RAB27B: variants seen among roughly 807,000 people sequenced by gnomAD.
The protein encoded by RAB27B is ras-related protein Rab-27B.
In RAB27B, 15 loss-of-function variants were observed where a neutral mutation model predicts 24.6. The ratio of observed to expected loss-of-function variants is 0.61; its 90% CI spans 0.41 to 0.94. RAB27B has a LOEUF of 0.94. Ranked by LOEUF, RAB27B falls within the 40% of genes least tolerant of loss-of-function variation. The pLI, the probability that RAB27B is intolerant of heterozygous loss-of-function variation, is 0.00. For synonymous variants in RAB27B, 105 were observed against 92.5 expected, an observed-to-expected ratio of 1.14 and a Z score of -0.78; for missense variants, 261 against 266.8, an observed-to-expected ratio of 0.98 and a Z score of 0.15.
chr18:54,884,684 T>A (rs1913061736), intron 4 of RAB27B, among the ~76,000 whole-genome samples: 1 of 152,208 alleles, frequency 6.6e-6, no homozygotes, highest in Non-Finnish European at 1.5e-5. Context: ...TATGTAGCTT[T>A]ATCACCACTT....
chr18:54,865,610 G>A (rs532376587), intron 1 of RAB27B, among the ~76,000 whole-genome samples: 27 of 152,292 alleles, frequency 1.8e-4, no homozygotes, highest in Non-Finnish European at 4.0e-4. Context: ...AGGTTGGTAT[G>A]TGGATATGAA....
intron 2 of RAB27B, among the ~76,000 whole-genome samples, chr18:54,746,043 A>G (rs1388804941): frequency 6.6e-6 from 1 of 152,072 alleles, no homozygotes; most frequent in African/African-American, 2.4e-5. Flanking sequence ...GTCTCACTCT[A>G]TATGGGTGAA....
chr18:54,851,119 T>C (rs1251478082), intron 1 of RAB27B, among the ~76,000 whole-genome samples: 1 of 152,094 alleles, frequency 6.6e-6, no homozygotes, highest in Non-Finnish European at 1.5e-5. Flanking sequence ...TTGTTAATAT[T>C]CTATATATAT....
chr18:54,773,994 TACC>T (rs1484824244), intron 2 of RAB27B, among the ~76,000 whole-genome samples: 1 of 152,182 alleles, frequency 6.6e-6, no homozygotes, highest in African/African-American at 2.4e-5. Context: ...ATCTACTTTC[TACC>T]ACCAGAATAG....
At chr18:54,822,402 A>G (rs540065164) in intron 2 of RAB27B, among the ~76,000 whole-genome samples, 2 of 152,366 alleles carry the variant, frequency 1.3e-5, no homozygotes, top group African/African-American at 4.8e-5. Context: ...CAAAATTAAC[A>G]AAAACACTGG....
At chr18:54,832,407 G>T (rs1168081871) in intron 1 of RAB27B, among the ~76,000 whole-genome samples, 1 of 152,198 alleles carries the variant, frequency 6.6e-6, no homozygotes, top group Non-Finnish European at 1.5e-5. Flanking sequence ...GTTTTAATGG[G>T]AAATGAAGAA....
intron 2 of RAB27B, among the ~76,000 whole-genome samples, chr18:54,773,449 T>G (rs1908616568): frequency 6.6e-6 from 1 of 152,182 alleles, no homozygotes; most frequent in East Asian, 1.9e-4. Flanking sequence ...GGGACAGAGG[T>G]ATTGCCATGG....
chr18:54,753,903 C>T (rs539468824), intron 2 of RAB27B, among the ~76,000 whole-genome samples: 2 of 152,152 alleles, frequency 1.3e-5, no homozygotes, highest in Non-Finnish European at 2.9e-5. Flanking sequence ...AATATTTATA[C>T]CAGCAGACCC....
At chr18:54,766,355 G>A (rs973055300) in intron 2 of RAB27B, among the ~76,000 whole-genome samples, 7 of 152,172 alleles carry the variant, frequency 4.6e-5, no homozygotes, top group African/African-American at 1.7e-4. Context: ...GAAGCAGGCA[G>A]GCATATGCAA....
At chr18:54,845,725 CT>C (rs2145208654) in intron 1 of RAB27B, among the ~76,000 whole-genome samples, 2 of 152,224 alleles carry the variant, frequency 1.3e-5, no homozygotes, top group African/African-American at 4.8e-5. Flanking sequence ...GAACAGAACC[CT>C]CCTTTCTGTT....
chr18:54,778,436 C>G (rs1260497761), intron 2 of RAB27B, among the ~76,000 whole-genome samples: 1 of 152,122 alleles, frequency 6.6e-6, no homozygotes, highest in Non-Finnish European at 1.5e-5. Context: ...ATTAATTAGC[C>G]CTGTGAACCT....
chr18:54,790,576 A>C (rs1909217997), intron 2 of RAB27B, among the ~76,000 whole-genome samples: 1 of 151,146 alleles, frequency 6.6e-6, no homozygotes, highest in African/African-American at 2.4e-5. Flanking sequence ...AAGCAAGGTA[A>C]TTAGCATATA....
At chr18:54,803,615 G>C (rs73960640) in intron 2 of RAB27B, among the ~76,000 whole-genome samples, 1,735 of 152,290 alleles carry the variant, frequency 0.011, 31 homozygotes, top group African/African-American at 0.04. Context: ...GCAAGCAAGA[G>C]ATGATGGATG....
chr18:54,810,379 A>G (rs1909923787), intron 2 of RAB27B, among the ~76,000 whole-genome samples: 1 of 151,930 alleles, frequency 6.6e-6, no homozygotes, highest in Non-Finnish European at 1.5e-5. Flanking sequence ...GCAACCCTAT[A>G]AAGTAGTTAT....
upstream of RAB27B, among the ~76,000 whole-genome samples, chr18:54,826,391 A>G (rs1819886): frequency 0.23 from 34,829 of 152,066 alleles, 4,238 homozygotes; most frequent in East Asian, 0.39. Flanking sequence ...GGAGTGGCCA[A>G]GCAACATTTC....
At chr18:54,883,528 C>G (rs1295362327) in intron 3 of RAB27B, among the ~76,000 whole-genome samples, 2 of 152,110 alleles carry the variant, frequency 1.3e-5, no homozygotes, top group South Asian at 2.1e-4. Context: ...GCCCATTGCT[C>G]TTATTGAAGT....
In RAB27B at chr18:54,891,540, C is replaced by G. The variant is rs1020311596; in HGVS notation, c.*2127C>G. The G allele has an allele frequency of 6.6e-6, 1 of 152,078 alleles. No homozygotes were observed. The highest frequency in any genetic ancestry group is 1.5e-5 in the Non-Finnish European group (1 of 68,000). The allele number at this position is 152,078 out of a possible 1,614,324, so 9.4% of individuals were successfully genotyped here. A position where few individuals can be genotyped will look rare whatever the true frequency, so the allele number is the denominator to read the frequency against. Reference sequence around the variant, plus strand: ...CACTGCTGTGGCAAATTTTGGTGAACTTTTGGGGTCATTATATCAATTTTT... The same window carrying G: ...CACTGCTGTGGCAAATTTTGGTGAAGTTTTGGGGTCATTATATCAATTTTT... On this transcript the variant is annotated 3_prime_UTR_variant, in exon 6 of 6. Transcript: ENST00000262094.
At position 54,804,970 on chromosome 18, in the gene RAB27B, TCCTG is replaced by T. The variant is rs762589077; in HGVS notation, c.-19-72593_-19-72590del. 4.2e-3 allele frequency among the ~76,000 whole-genome samples: 470 copies of T among 113,166 alleles called. 2 individuals carry two copies. The highest frequency in any genetic ancestry group is 6.8e-3 in the Non-Finnish European group (383 of 55,968). The allele number at this position is 113,166 out of a possible 152,430, so 74.2% of individuals were successfully genotyped here. A position where few individuals can be genotyped will look rare whatever the true frequency, so the allele number is the denominator to read the frequency against. The stretch of plus-strand genomic sequence containing the variant: ...TCTTTCTTTCTCTTTCTTTCTGCCT[TCCTG>T]CCTTCCTTCCTTTTTTTTTTTAGTT... On this transcript the variant is annotated intron_variant, in intron 2 of 4. Transcript: ENST00000586570.
chr18:54,735,256 G>T (rs1194616682), intron 2 of RAB27B, among the ~76,000 whole-genome samples: 3 of 152,140 alleles, frequency 2.0e-5, no homozygotes, highest in Admixed American at 1.3e-4. Context: ...GTCCAGTAAG[G>T]TAGCCACTAG....
Sources: allele counts gnomAD v4.1 joint callset (sites outside exome capture counted in the v4.1 genomes callset), GRCh38; gene constraint gnomAD v4.1.1; transcripts MANE v1.5; gene names NCBI Gene and HGNC (gene_info 2026-07-23, HGNC 2026-07-21).